Variants in RIN3 observed in about 807,000 individuals in gnomAD.
RIN3 encodes the protein RAB5 interacting protein 3.
Under a neutral mutation model 76.3 loss-of-function variants are expected in RIN3, and 54 were observed. That is an observed-to-expected ratio of 0.71 (90% CI 0.57 to 0.89). The LOEUF (loss-of-function observed/expected upper bound fraction) is 0.89. Among genes scored for constraint, RIN3 ranks in the 40% least tolerant of loss-of-function variants. The pLI is 0.00. For missense variants in RIN3, 1,256 were observed against 1,322.1 expected (o/e 0.95, Z 0.78); for synonymous variants, 576 against 564.0 (o/e 1.02, Z -0.30).
intron 4 of RIN3, among the ~76,000 whole-genome samples, chr14:92,620,005 C>T (rs1324059534): frequency 1.3e-5 from 2 of 152,196 alleles, no homozygotes; most frequent in Admixed American, 6.5e-5. Flanking sequence ...ATAAAACTGT[C>T]TTTATTTCCC....
chr14:92,685,051 G>C lies in RIN3; in HGVS notation c.2532G>C (p.Thr844=). Residue 844 remains threonine, a synonymous_variant, in exon 9 of 10, where the codon ACG becomes ACC. Transcript: ENST00000216487. This position sits in a 1 kb window ranked among gnomAD's most constrained non-coding sequence, Gnocchi z 4.7. The stretch of plus-strand genomic sequence containing the variant: ...ACATCAAGAGCTACGACAAGATCAC[G>C]GTGACCCGGCAGCTGAGTGTGGAGG... ...LEHIKSYDKI[T]VTRQLSVEVQ... 3 of 1,614,058 alleles carry C rather than the reference G, an allele frequency of 1.9e-6. No individual in the cohort carries two copies. The highest frequency in any genetic ancestry group is 3.3e-4 in the Middle Eastern group (2 of 6,062).
In RIN3 at chr14:92,513,905, C is replaced by G. The variant is rs1189076102; in HGVS notation, c.-28C>G. ...GCGCGGCCCGGCGCCTGAGCGCCTC[C>G]GTTCCCCGTCCCGGAGCTGCCGGCG... is the stretch of plus-strand genomic sequence containing the variant. On this transcript the variant is annotated 5_prime_UTR_variant, in exon 1 of 10. Coordinates refer to ENST00000216487, the MANE Select transcript of RIN3 (RefSeq NM_024832.5). The G allele has an allele frequency of 1.5e-5, 19 of 1,254,390 alleles. No individual in the cohort carries two copies. Among genetic ancestry groups the G allele is most frequent in the Non-Finnish European group, 1.9e-5 (19 of 999,410 alleles). The allele number at this position is 1,254,390 out of a possible 1,614,324, so 77.7% of individuals were successfully genotyped here.
chr14:92,682,039 A>G (rs897113971), intron 8 of RIN3, among the ~76,000 whole-genome samples: 2 of 152,120 alleles, frequency 1.3e-5, no homozygotes, highest in African/African-American at 4.8e-5. Context: ...GGCACGTGCC[A>G]CCATGCCCAG....
At chr14:92,650,901 G>A (rs970540845) in intron 5 of RIN3, 3 of 152,260 alleles carry the variant, frequency 2.0e-5, no homozygotes, top group African/African-American at 7.2e-5. Flanking sequence ...CCCTGACTGG[G>A]GCAGACGACC....
chr14:92,597,173 T>A (rs76113207), intron 3 of RIN3, among the ~76,000 whole-genome samples: 1 of 23,948 alleles, frequency 4.2e-5, no homozygotes, highest in Non-Finnish European at 1.3e-4. Context: ...TTTATATATA[T>A]TATTTTTTAT....
intron 2 of RIN3, among the ~76,000 whole-genome samples, chr14:92,571,880 TCTC>T (rs1898070212): frequency 6.6e-6 from 1 of 152,112 alleles, no homozygotes; most frequent in Admixed American, 6.5e-5. Flanking sequence ...CCCCATCACC[TCTC>T]CTCCTATTCG....
At chr14:92,530,114 C>G (rs933420279) in intron 1 of RIN3, among the ~76,000 whole-genome samples, 1 of 152,174 alleles carries the variant, frequency 6.6e-6, no homozygotes, top group African/African-American at 2.4e-5. Flanking sequence ...ATATCTTCCT[C>G]GTGTAGATAA....
intron 3 of RIN3, among the ~76,000 whole-genome samples, chr14:92,589,162 C>T (rs1030859677): frequency 3.9e-5 from 6 of 152,120 alleles, no homozygotes; most frequent in African/African-American, 1.4e-4. Flanking sequence ...GCAAAGCCCC[C>T]TGGAAGAGTA....
chr14:92,522,152 G>A lies in RIN3; in HGVS notation c.44+8176G>A, dbSNP rs1324633613. On this transcript the variant is annotated intron_variant, in intron 1 of 9. Coordinates refer to ENST00000216487, the MANE Select transcript of RIN3 (RefSeq NM_024832.5). ...GTGAAGACCACAGTTCTGTTCTTCCGGGCAAGACACTGAAACAGAACCTGC... is the reference window on the plus strand; with the variant it reads ...GTGAAGACCACAGTTCTGTTCTTCCAGGCAAGACACTGAAACAGAACCTGC... Among the ~76,000 whole-genome samples the A allele has an allele frequency of 2.6e-5, 4 of 152,030 alleles. No homozygotes were observed. The East Asian group carries it at 5.8e-4, about 22-fold the overall frequency.
At chr14:92,524,392 G>A (rs1896675344) in intron 1 of RIN3, among the ~76,000 whole-genome samples, 1 of 152,164 alleles carries the variant, frequency 6.6e-6, no homozygotes, top group African/African-American at 2.4e-5. Flanking sequence ...GTCTTCAGTG[G>A]CCACTTCACC....
chr14:92,633,187 C>T (rs562745840), intron 4 of RIN3, among the ~76,000 whole-genome samples: 201 of 152,192 alleles, frequency 1.3e-3, no homozygotes, highest in African/African-American at 4.3e-3. Context: ...GGGTTTCCAT[C>T]CTTGACGACA....
At chr14:92,566,243 C>A (rs1897913275) in intron 2 of RIN3, among the ~76,000 whole-genome samples, 1 of 152,186 alleles carries the variant, frequency 6.6e-6, no homozygotes, top group African/African-American at 2.4e-5. Context: ...CCTCACTACT[C>A]CACCTGGGCT....
intron 7 of RIN3, among the ~76,000 whole-genome samples, chr14:92,672,816 C>T (rs1417106937): frequency 1.3e-5 from 2 of 152,192 alleles, no homozygotes; most frequent in Non-Finnish European, 2.9e-5. Flanking sequence ...TTAGCAATCA[C>T]TCCCCATTCT....
intron 1 of RIN3, among the ~76,000 whole-genome samples, chr14:92,544,197 G>A (rs1370953679): frequency 2.0e-5 from 3 of 152,110 alleles, no homozygotes; most frequent in African/African-American, 7.2e-5. Flanking sequence ...AGGATCACAG[G>A]CCCTATCTAG....
chr14:92,652,652 TCAGA>T lies in RIN3; in HGVS notation c.1607_1610del (p.Asp536AlafsTer31). 1.2e-6 allele frequency: 2 copies of T among 1,612,070 alleles called. No individual in the cohort carries two copies. The highest frequency in any genetic ancestry group is 1.7e-6 in the Non-Finnish European group (2 of 1,179,974). On this transcript the variant is annotated frameshift_variant, in exon 6 of 10. Transcript: ENST00000216487. LOFTEE classifies it high-confidence loss of function. This position sits in a 1 kb window ranked among gnomAD's most constrained non-coding sequence, Gnocchi z 6.4. ...GTTCAAGGGCTCCCTGGCCTCCCTCTCAGACAGCTTGGGGGTGTCTGTCATGGCC... is the reference window on the plus strand; with the variant it reads ...GTTCAAGGGCTCCCTGGCCTCCCTCTCAGCTTGGGGGTGTCTGTCATGGCC...
chr14:92,672,327 G>A lies in RIN3; in HGVS notation c.2336-4148G>A, dbSNP rs545643890. Among the ~76,000 whole-genome samples the A allele has an allele frequency of 5.9e-5, 9 of 152,238 alleles. No individual in the cohort carries two copies. The South Asian group carries it at 6.2e-4, about 11-fold the overall frequency. ...CTCAGGAGGCTGAGACAGGAGAATCGCCTGAACCTGGGAGGTGAAGGTTGC... is the reference window on the plus strand; with the variant it reads ...CTCAGGAGGCTGAGACAGGAGAATCACCTGAACCTGGGAGGTGAAGGTTGC... On this transcript the variant is annotated intron_variant, in intron 7 of 9. Coordinates refer to ENST00000216487, the MANE Select transcript of RIN3 (RefSeq NM_024832.5).
chr14:92,676,676 G>C (rs1888476971), intron 8 of RIN3, 70 bp downstream of exon 8: 1 of 1,552,322 alleles, frequency 6.4e-7, no homozygotes, highest in African/African-American at 1.4e-5. Context: ...GGGCACTCTA[G>C]GTGGCCCAAC....
chr14:92,525,799 C>T (rs1470689198), intron 1 of RIN3, among the ~76,000 whole-genome samples: 4 of 152,200 alleles, frequency 2.6e-5, no homozygotes, highest in Non-Finnish European at 4.4e-5. Context: ...ATGTGATCAC[C>T]CATCCTTGTC....
intron 1 of RIN3, among the ~76,000 whole-genome samples, chr14:92,532,375 A>G (rs1287908194): frequency 6.6e-6 from 1 of 152,246 alleles, no homozygotes; most frequent in African/African-American, 2.4e-5. Flanking sequence ...CAGGATGAGT[A>G]ATGTCCACAG....
Sources: allele counts gnomAD v4.1 joint callset (sites outside exome capture counted in the v4.1 genomes callset), GRCh38; gene constraint gnomAD v4.1.1; non-coding constraint Gnocchi (gnomAD v3.1); transcripts MANE v1.5; gene names NCBI Gene and HGNC (gene_info 2026-07-23, HGNC 2026-07-21).